ZC3H7A: variants seen among roughly 807,000 people sequenced by gnomAD.
ZC3H7A encodes zinc finger CCCH domain-containing protein 7A.
Under a neutral mutation model 125.5 loss-of-function variants are expected in ZC3H7A, and 44 were observed. The observed-to-expected ratio is 0.35, with a 90% CI of 0.28 to 0.45. ZC3H7A has a LOEUF of 0.45. Ranked by LOEUF, ZC3H7A falls within the 20% of genes least tolerant of loss-of-function variation. The pLI, the probability that ZC3H7A is intolerant of heterozygous loss-of-function variation, is 1.00. For missense variants in ZC3H7A, 977 were observed against 1,170.7 expected, an observed-to-expected ratio of 0.83 and a Z score of 2.41; for synonymous variants, 399 against 391.2, an observed-to-expected ratio of 1.02 and a Z score of -0.23.
In ZC3H7A at chr16:11,751,515, A is replaced by G. The variant is rs188901741; in HGVS notation, c.2727-9T>C. The G allele has an allele frequency of 3.8e-5, 61 of 1,609,170 alleles. No homozygotes were observed. In the East Asian group the frequency reaches 5.6e-4, roughly 15 times the overall value. On this transcript the variant is annotated splice_polypyrimidine_tract_variant and intron_variant, in intron 22 of 22. Transcript: ENST00000355758. ...AGGTGCCATTCATATACCTGTAAGG[A>G]GAAGTCAGCTGCTCAGTGTCCATAT...
Position 11,763,710 on chromosome 16 carries a change from AATATATATATATATATATATAT to A in ZC3H7A, c.1821-73_1821-52del, listed in dbSNP as rs55932357. ...ATATTGTTCTGCCATAGATTTTTCA[AATATATATATATATATATATAT>A]ATATATATATATATATATATATATA... On this transcript the variant is annotated intron_variant, in intron 15 of 22. Transcript: ENST00000355758. The A allele has an allele frequency of 9.4e-3, 2,153 of 228,802 alleles. 56 individuals are homozygous for A. The highest frequency in any genetic ancestry group is 0.035 in the African/African-American group (1,024 of 29,498). The allele number at this position is 228,802 out of a possible 1,614,324, so 14.2% of individuals were successfully genotyped here.
chr16:11,761,299 T>C (rs1057217438), intron 19 of ZC3H7A, 107 bp downstream of exon 19: 2 of 1,058,724 alleles, frequency 1.9e-6, no homozygotes, highest in East Asian at 2.4e-5. Flanking sequence ...GCATTATTAC[T>C]GACGAATATT....
chr16:11,770,783 C>A lies in ZC3H7A; in HGVS notation c.1108G>T (p.Asp370Tyr). 6.2e-7 allele frequency: 1 copy of A among 1,607,778 alleles called. No individual in the cohort carries two copies. Among genetic ancestry groups the A allele is most frequent in the South Asian group, 1.1e-5 (1 of 89,772 alleles). Residue 370 changes from aspartate to tyrosine, a missense_variant and splice_region_variant, in exon 10 of 23, where the codon GAT (aspartate) becomes TAT (tyrosine). By Grantham distance (160) the Asp-to-Tyr change is radical. Transcript: ENST00000355758. ...NSFSMSESKR[D>Y]LSTSTSREGT... ...TTTACAATTTAGATTTGGTTCTTAC[C>A]TCGTTTGGATTCACTCATTGAAAAT...
At chr16:11,776,960 T>G (rs778062323) in intron 4 of ZC3H7A, 51 bp from the exon 5 acceptor site, 1 of 1,447,592 alleles carries the variant, frequency 6.9e-7, no homozygotes, top group Admixed American at 2.5e-5. Flanking sequence ...ATTCATTTCT[T>G]GCACTGAGGC....
chr16:11,782,427 G>A (rs77225676), intron 1 of ZC3H7A, 39 bp from the exon 2 acceptor site: 17 of 1,560,790 alleles, frequency 1.1e-5, no homozygotes, highest in Non-Finnish European at 1.4e-5. Context: ...TAAGGTACCA[G>A]GGTCCCTGGA....
chr16:11,757,718 G>T (rs141959588), intron 20 of ZC3H7A, among the ~76,000 whole-genome samples: 1 of 152,090 alleles, frequency 6.6e-6, no homozygotes, highest in South Asian at 2.1e-4. Flanking sequence ...CAGTCAGGCC[G>T]GACTACATAG....
intron 1 of ZC3H7A, among the ~76,000 whole-genome samples, chr16:11,791,109 A>G (rs1374500015): frequency 6.6e-6 from 1 of 151,196 alleles, no homozygotes; most frequent in Non-Finnish European, 1.5e-5. Context: ...ACACACACAC[A>G]CACACACACA....
Position 11,775,474 on chromosome 16 carries a change from C to T in ZC3H7A, c.586-461G>A, listed in dbSNP as rs180879516. The stretch of plus-strand genomic sequence containing the variant: ...ATTAAGATCCAAGAAATGAATGGAA[C>T]ACGCAAACCTGTATACATGTGGTGT... On this transcript the variant is annotated intron_variant, in intron 7 of 22. Transcript: ENST00000355758. 404 of 156,624 alleles carry T rather than the reference C, an allele frequency of 2.6e-3. 2 individuals are homozygous for T. The highest frequency in any genetic ancestry group is 4.7e-3 in the Admixed American group (74 of 15,678). The allele number at this position is 156,624 out of a possible 1,614,324, so 9.7% of individuals were successfully genotyped here.
chr16:11,796,680 G>C (rs1360324592), intron 1 of ZC3H7A, among the ~76,000 whole-genome samples: 1 of 152,116 alleles, frequency 6.6e-6, no homozygotes, highest in Admixed American at 6.5e-5. Context: ...ATCAGAAAGG[G>C]GGGTAAAAAA....
chr16:11,776,835 A>G lies in ZC3H7A; in HGVS notation c.381T>C (p.Tyr127=). 2 of 1,613,934 alleles carry G rather than the reference A, an allele frequency of 1.2e-6. No homozygotes were observed. Among genetic ancestry groups the G allele is most frequent in the Non-Finnish European group, 1.7e-6 (2 of 1,179,954 alleles). ...AATCACTTAAAGCCTTAGATTTCCG[A>G]TACAGAGCTTTGCAGTTACTGGCAT... ...SLNASNCKAL[Y]RKSKALSDLG... Residue 127 remains tyrosine, a synonymous_variant, in exon 5 of 23, where the codon TAT becomes TAC. Transcript: ENST00000355758.
At chr16:11,790,877 A>G (rs1261676755) in intron 1 of ZC3H7A, among the ~76,000 whole-genome samples, 1 of 151,676 alleles carries the variant, frequency 6.6e-6, no homozygotes, top group Non-Finnish European at 1.5e-5. Flanking sequence ...TTCTGCCTCA[A>G]AAATAAATAG....
At chr16:11,781,607 A>G in intron 2 of ZC3H7A, 143 bp from the exon 3 acceptor site, 1 of 611,886 alleles carries the variant, frequency 1.6e-6, no homozygotes, top group Admixed American at 2.5e-5. Flanking sequence ...CTTTACTACC[A>G]TTATTCACAG....
At chr16:11,751,571 T>G (rs2052553613) in intron 22 of ZC3H7A, 65 bp from the exon 23 acceptor site, 1 of 1,500,772 alleles carries the variant, frequency 6.7e-7, no homozygotes, top group Admixed American at 2.1e-5. Context: ...GTCATGATTC[T>G]TGAAACTGTA....
intron 22 of ZC3H7A, among the ~76,000 whole-genome samples, chr16:11,752,005 A>T (rs982140079): frequency 6.7e-6 from 1 of 149,608 alleles, no homozygotes; most frequent in Non-Finnish European, 1.5e-5. Flanking sequence ...TCCTGGGTTC[A>T]AGTGATTGTC....
In ZC3H7A at chr16:11,770,994, A is replaced by G. The variant is rs1596389578; in HGVS notation, c.904-7T>C. 1.3e-6 allele frequency: 2 copies of G among 1,586,768 alleles called. No individual in the cohort carries two copies. Among genetic ancestry groups the G allele is most frequent in the Non-Finnish European group, 1.7e-6 (2 of 1,169,600 alleles). On this transcript the variant is annotated splice_region_variant and splice_polypyrimidine_tract_variant and intron_variant, in intron 9 of 22. Transcript: ENST00000355758. ...CTCTGACTAAAGCTGACGGCTGCGG[A>G]AGAAAAAAAGATGTGATTAAAATTC...
At chr16:11,764,813 T>G (rs994187357) in intron 15 of ZC3H7A, among the ~76,000 whole-genome samples, 13 of 152,194 alleles carry the variant, frequency 8.5e-5, no homozygotes, top group African/African-American at 3.1e-4. Context: ...AATACCTAAA[T>G]CCATGTCATG....
At chr16:11,777,472 G>C (rs2053100073) in intron 4 of ZC3H7A, among the ~76,000 whole-genome samples, 1 of 152,230 alleles carries the variant, frequency 6.6e-6, no homozygotes, top group East Asian at 1.9e-4. Context: ...TGTAGTCCCA[G>C]CACTTTGGGA....
rs375884411 is a variant in ZC3H7A at position 11,781,427 on chromosome 16, C to T, written c.106G>A (p.Ala36Thr). Residue 36 changes from alanine (A) to threonine (T), a missense_variant and splice_region_variant, in exon 3 of 23, where the codon GCG becomes ACG. Around this residue, in one of 3 missense-constraint regions of ZC3H7A, gnomAD observed 199 missense variants for 256.1 expected, o/e 0.78. Coordinates refer to ENST00000355758, the MANE Select transcript of ZC3H7A (RefSeq NM_014153.4). ...LSYPGTQEQY[A>T]VYLRALVRNL... ...GCAGACCTTCCCGGAGTCATTACCG[C>T]ATATTGCTCCTGTGTTCCTGGATAT... 3 of 1,606,316 alleles carry T rather than the reference C, an allele frequency of 1.9e-6. No homozygotes were observed. Among genetic ancestry groups the T allele is most frequent in the Non-Finnish European group, 2.6e-6 (3 of 1,174,694 alleles).
chr16:11,757,837 C>A (rs936871746), intron 20 of ZC3H7A, among the ~76,000 whole-genome samples: 1 of 152,138 alleles, frequency 6.6e-6, no homozygotes, highest in African/African-American at 2.4e-5. Context: ...TCTTATAATC[C>A]AGAGACTGCA....
Sources: allele counts gnomAD v4.1 joint callset (sites outside exome capture counted in the v4.1 genomes callset), GRCh38; gene constraint gnomAD v4.1.1; regional missense constraint gnomAD v4.1.1; transcripts MANE v1.5; gene names NCBI Gene and HGNC (gene_info 2026-07-23, HGNC 2026-07-21).